The following STK32B variants were observed in gnomAD, a reference collection of about 807,000 sequenced individuals.
STK32B encodes the protein serine/threonine kinase 32B.
Under a neutral mutation model 52.6 loss-of-function variants are expected in STK32B, and 43 were observed. The observed-to-expected ratio is 0.82, with a 90% confidence interval of 0.64 to 1.05. STK32B has a LOEUF of 1.05. STK32B is among the 50% of genes least tolerant of loss of function. The pLI is 0.00. For missense variants in STK32B, 621 were observed against 534.6 expected, an observed-to-expected ratio of 1.16 and a Z score of -1.59; for synonymous variants, 238 against 204.3, an observed-to-expected ratio of 1.17 and a Z score of -1.41.
chr4:5,034,975 G>A, the STK32B span, among the ~76,000 whole-genome samples: 3 of 152,278 alleles, frequency 2.0e-5, no homozygotes, highest in East Asian at 1.9e-4. Context: ...CATTTTCACG[G>A]TTAGATGTAG....
chr4:5,469,359 G>T lies in STK32B; in HGVS notation c.1106+1289G>T, dbSNP rs1483230024. On this transcript the variant is annotated intron_variant, in intron 11 of 11. Coordinates refer to ENST00000282908, the MANE Select transcript of STK32B (RefSeq NM_018401.3). This position sits in a 1 kb window ranked among gnomAD's most constrained non-coding sequence, Gnocchi z 4.7. The stretch of plus-strand genomic sequence containing the variant: ...ACCCAGGGCAGTGCATGTCACAGCA[G>T]ACACCTGGCTCAGCCTGGGTGGTTG... Among the ~76,000 whole-genome samples, 2 of 152,260 alleles carry T rather than the reference G, an allele frequency of 1.3e-5. No individual in the cohort carries two copies. The highest frequency in any genetic ancestry group is 4.8e-5 in the African/African-American group (2 of 41,482).
chr4:5,298,200 T>C (rs996934417), intron 3 of STK32B, among the ~76,000 whole-genome samples: 24 of 152,170 alleles, frequency 1.6e-4, no homozygotes, highest in African/African-American at 5.8e-4. Flanking sequence ...GCTGGAGCTC[T>C]CCTGTATAAG....
At chr4:5,037,740 A>G in the STK32B span, among the ~76,000 whole-genome samples, 1 of 152,190 alleles carries the variant, frequency 6.6e-6, no homozygotes, top group Non-Finnish European at 1.5e-5. Flanking sequence ...CTGAAGACTC[A>G]AAGATTAAAA....
Position 5,460,891 on chromosome 4 carries a change from G to A in STK32B, c.909+663G>A, listed in dbSNP as rs898032155. Among the ~76,000 whole-genome samples, 4 of 152,172 alleles carry A rather than the reference G, an allele frequency of 2.6e-5. No homozygotes were observed. The highest frequency in any genetic ancestry group is 2.1e-4 in the South Asian group (1 of 4,824). ...CACCAAAAAGGCTTCCAGAGGCCAC[G>A]GTCAAAGTTTTAGGTTTTGTCCCCC... is the stretch of plus-strand genomic sequence containing the variant. On this transcript the variant is annotated intron_variant, in intron 9 of 11. Coordinates refer to ENST00000282908, the MANE Select transcript of STK32B (RefSeq NM_018401.3). The surrounding 1 kb of genome is among the most constrained non-coding windows in gnomAD (Gnocchi z 4.8).
At chr4:5,023,477 G>A in the STK32B span, among the ~76,000 whole-genome samples, 3 of 152,040 alleles carry the variant, frequency 2.0e-5, no homozygotes, top group African/African-American at 7.2e-5. Flanking sequence ...CCAGTCTCTG[G>A]GCAGCTCCAA....
chr4:5,421,326 G>A (rs1400532629), intron 6 of STK32B, among the ~76,000 whole-genome samples: 7 of 151,596 alleles, frequency 4.6e-5, no homozygotes, highest in African/African-American at 1.7e-4. Flanking sequence ...TCCTGACCTC[G>A]TGATCCACCA....
At chr4:5,338,280 A>C (rs1732838776) in intron 4 of STK32B, among the ~76,000 whole-genome samples, 1 of 152,176 alleles carries the variant, frequency 6.6e-6, no homozygotes, top group Non-Finnish European at 1.5e-5. Context: ...AGTAGTAGTA[A>C]AGATATTGTT....
chr4:5,169,044 C>T (rs1719120561), intron 3 of STK32B, among the ~76,000 whole-genome samples: 1 of 152,202 alleles, frequency 6.6e-6, no homozygotes, highest in African/African-American at 2.4e-5. Flanking sequence ...TCCTAAAACA[C>T]TCACGTCCCC....
rs114558666 is a variant in STK32B at position 5,229,421 on chromosome 4, A to G, written c.260+60971A>G. On this transcript the variant is annotated intron_variant, in intron 3 of 11. Coordinates refer to ENST00000282908, the MANE Select transcript of STK32B (RefSeq NM_018401.3). ...ATCTGTATACAAATTCAATGAGATA[A>G]ATTATTAGTATCTATGATGCTGGAG... 5.6e-3 allele frequency among the ~76,000 whole-genome samples: 848 copies of G among 152,254 alleles called. 9 individuals carry two copies. The highest frequency in any genetic ancestry group is 0.019 in the African/African-American group (808 of 41,554).
chr4:5,384,126 C>T (rs1405817939), intron 4 of STK32B, among the ~76,000 whole-genome samples: 8 of 152,076 alleles, frequency 5.3e-5, no homozygotes, highest in Non-Finnish European at 7.4e-5. Context: ...TGCAGCCAGA[C>T]GAAGTGAGTG....
intron 4 of STK32B, among the ~76,000 whole-genome samples, chr4:5,392,726 A>T (rs760018085): frequency 6.6e-6 from 1 of 152,154 alleles, no homozygotes; most frequent in Non-Finnish European, 1.5e-5. Flanking sequence ...TATCTCTAAG[A>T]GTTGTGTCAA....
At chr4:5,047,429 C>T (rs1741641599), upstream of STK32B, among the ~76,000 whole-genome samples, 1 of 151,920 alleles carries the variant, frequency 6.6e-6, no homozygotes, top group Non-Finnish European at 1.5e-5. Flanking sequence ...AACAAACCGA[C>T]ACATTCTGCA....
chr4:5,485,406 A>G (rs964340564), intron 11 of STK32B, among the ~76,000 whole-genome samples: 1 of 151,910 alleles, frequency 6.6e-6, no homozygotes, highest in African/African-American at 2.4e-5. Flanking sequence ...TGCATTCGTC[A>G]TGTAGTTCTC....
At chr4:5,420,046 C>T (rs1712491934) in intron 6 of STK32B, among the ~76,000 whole-genome samples, 1 of 152,070 alleles carries the variant, frequency 6.6e-6, no homozygotes, top group Non-Finnish European at 1.5e-5. Context: ...TTTTAATGCC[C>T]TCGAACATGA....
At chr4:5,201,210 G>A (rs1273321193) in intron 3 of STK32B, among the ~76,000 whole-genome samples, 1 of 152,168 alleles carries the variant, frequency 6.6e-6, no homozygotes, top group African/African-American at 2.4e-5. Flanking sequence ...CTGGAGTGAG[G>A]AGGGGCAAAG....
At chr4:5,127,262 A>G (rs1335517582) in intron 1 of STK32B, 2 of 432,576 alleles carry the variant, frequency 4.6e-6, no homozygotes, top group Non-Finnish European at 9.3e-6. Flanking sequence ...ATGGATATTA[A>G]CCACATTAAG....
intron 4 of STK32B, among the ~76,000 whole-genome samples, chr4:5,346,619 C>T (rs1458019345): frequency 6.6e-6 from 1 of 152,146 alleles, no homozygotes; most frequent in Non-Finnish European, 1.5e-5. Context: ...GTGCTAAGAG[C>T]CTTTACATCT....
intron 1 of STK32B, among the ~76,000 whole-genome samples, chr4:5,079,868 G>A (rs762289162): frequency 1.3e-5 from 2 of 152,108 alleles, no homozygotes; most frequent in Non-Finnish European, 1.5e-5. Flanking sequence ...GACACAGAAA[G>A]ACAAATACTC....
intron 3 of STK32B, among the ~76,000 whole-genome samples, chr4:5,173,976 A>G (rs1719608986): frequency 6.6e-6 from 1 of 152,172 alleles, no homozygotes; most frequent in Non-Finnish European, 1.5e-5. Context: ...TGCTTTATAA[A>G]TCTGGGTGCT....
Sources: gnomAD v4.1 joint callset for allele counts (sites outside exome capture counted in the v4.1 genomes callset) on GRCh38, gnomAD v4.1.1 for gene constraint, Gnocchi (gnomAD v3.1) non-coding constraint, MANE v1.5 for transcripts, NCBI Gene and HGNC (gene_info 2026-07-23, HGNC 2026-07-21) for gene names.